The following NCDN variants were observed in gnomAD, a reference collection of about 807,000 sequenced individuals.
NCDN encodes norbin.
In NCDN, 9 loss-of-function variants were observed where a neutral mutation model predicts 60.7. The observed-to-expected ratio is 0.15, with a 90% CI of 0.09 to 0.26. The LOEUF (loss-of-function observed/expected upper bound fraction) is 0.26. Among genes scored for constraint, NCDN ranks in the 10% least tolerant of loss-of-function variants. NCDN has a pLI of 1.00. For synonymous variants in NCDN, 409 were observed against 442.5 expected, an observed-to-expected ratio of 0.92 and a Z score of 0.95; for missense variants, 578 against 975.2, an observed-to-expected ratio of 0.59 and a Z score of 5.42.
rs1024780987 is a variant in NCDN at position 35,561,566 on chromosome 1, C to G, written c.1143+272C>G. 6.6e-6 allele frequency among the ~76,000 whole-genome samples: 1 copy of G among 151,950 alleles called. No homozygotes were observed. Among genetic ancestry groups the G allele is most frequent in the Non-Finnish European group, 1.5e-5 (1 of 67,964 alleles). On this transcript the variant is annotated intron_variant, in intron 3 of 6. Transcript: ENST00000373243. The surrounding 1 kb of genome is among the most constrained non-coding windows in gnomAD (Gnocchi z 4.9). Reference sequence around the variant, plus strand: ...ACAACACAGTAACCTCCCACTCAAACGCTCCCCCCAATACACACACACTAC... The same window carrying G: ...ACAACACAGTAACCTCCCACTCAAAGGCTCCCCCCAATACACACACACTAC...
rs780306954 is a variant in NCDN at position 35,566,399 on chromosome 1, C to A, written c.*736C>A. 2.6e-5 allele frequency: 6 copies of A among 231,266 alleles called. No individual in the cohort carries two copies. The highest frequency in any genetic ancestry group is 4.4e-5 in the Non-Finnish European group (5 of 113,628). The allele number at this position is 231,266 out of a possible 1,614,324, so 14.3% of individuals were successfully genotyped here. On this transcript the variant is annotated 3_prime_UTR_variant, in exon 7 of 7. Coordinates refer to ENST00000373243, the MANE Select transcript of NCDN (RefSeq NM_014284.3). This position sits in a 1 kb window ranked among gnomAD's most constrained non-coding sequence, Gnocchi z 5.3. ...GGTTATTTATTTTGCCTGTCCTTATCCCTGCTTGGACACCTGAGCATCTGA... is the reference window on the plus strand; with the variant it reads ...GGTTATTTATTTTGCCTGTCCTTATACCTGCTTGGACACCTGAGCATCTGA...
Position 35,565,282 on chromosome 1 carries a change from A to G in NCDN, c.1809A>G (p.Leu603=), listed in dbSNP as rs1463386877. 7 of 1,613,762 alleles carry G rather than the reference A, an allele frequency of 4.3e-6. No homozygotes were observed. Among genetic ancestry groups the G allele is most frequent in the Non-Finnish European group, 5.9e-6 (7 of 1,179,842 alleles). The change falls in exon 7 of 7, where the codon CTA becomes CTG. Residue 603 remains leucine, a synonymous_variant. Transcript: ENST00000373243. This position sits in a 1 kb window ranked among gnomAD's most constrained non-coding sequence, Gnocchi z 8.9. ...TCTTCGCAGCTGCCATCCTCTTCCT[A>G]TCACAGTCCCACGTGGCGCGGGCCA... The part of the protein sequence containing the change: ...RGFFAAAILF[L]SQSHVARATP...
In NCDN at chr1:35,566,656, C is replaced by T; in HGVS notation, c.*993C>T. ...ACACACACACACACACACACACACACACACACACACACACACACACACACT... is the reference window on the plus strand; with the variant it reads ...ACACACACACACACACACACACACATACACACACACACACACACACACACT... On this transcript the variant is annotated 3_prime_UTR_variant, in exon 7 of 7. Transcript: ENST00000373243. The surrounding 1 kb of genome is among the most constrained non-coding windows in gnomAD (Gnocchi z 5.3). 2.5e-6 allele frequency: 1 copy of T among 407,720 alleles called. No individual in the cohort carries two copies. The highest frequency in any genetic ancestry group is 1.8e-5 in the South Asian group (1 of 54,978). 25.3% of individuals were successfully genotyped at this position (407,720 alleles called of 1,614,324 possible). A position where few individuals can be genotyped will look rare whatever the true frequency, so the allele number is the denominator to read the frequency against.
chr1:35,563,943 G>A lies in NCDN; in HGVS notation c.1753+34G>A. 1 of 1,590,252 alleles carries A rather than the reference G, an allele frequency of 6.3e-7. No homozygotes were observed. The highest frequency in any genetic ancestry group is 1.1e-5 in the South Asian group (1 of 87,624). ...TGGGGATCCAGTCCTGATGGGTGAG[G>A]ACAGAAGACCTGGGTGGACCTCCTG... On this transcript the variant is annotated intron_variant, in intron 6 of 6. Transcript: ENST00000373243. The surrounding 1 kb of genome is among the most constrained non-coding windows in gnomAD (Gnocchi z 6.6).
In NCDN at chr1:35,566,629, C is replaced by CCACACA. The variant is rs56974171; in HGVS notation, c.*1012_*1017dup. The CCACACA allele has an allele frequency of 0.017, 4,465 of 270,168 alleles. 35 individuals carry two copies. The highest frequency in any genetic ancestry group is 0.02 in the Non-Finnish European group (2,607 of 132,030). 16.7% of individuals were successfully genotyped at this position (270,168 alleles called of 1,614,324 possible). A position where few individuals can be genotyped will look rare whatever the true frequency, so the allele number is the denominator to read the frequency against. On this transcript the variant is annotated 3_prime_UTR_variant, in exon 7 of 7. Transcript: ENST00000373243. The surrounding 1 kb of genome is among the most constrained non-coding windows in gnomAD (Gnocchi z 5.3). ...TACCTTTCTTATAAACCCAGGGGGA[C>CCACACA]CACACACACACACACACACACACAC...
At position 35,558,306 on chromosome 1, in the gene NCDN, C is replaced by G; in HGVS notation, c.33+83C>G. 5 of 1,600,422 alleles carry G rather than the reference C, an allele frequency of 3.1e-6. No individual in the cohort carries two copies. Among genetic ancestry groups the G allele is most frequent in the Non-Finnish European group, 4.3e-6 (5 of 1,171,096 alleles). On this transcript the variant is annotated intron_variant, in intron 1 of 6. Transcript: ENST00000373243. The surrounding 1 kb of genome is among the most constrained non-coding windows in gnomAD (Gnocchi z 6.3). ...TTCGATTATCCGGCTTTTGGATTCT[C>G]CGTTGTCCTGGGAACTATCCGGGAC...
chr1:35,565,906 C>G lies in NCDN; in HGVS notation c.*243C>G. 1 of 519,896 alleles carries G rather than the reference C, an allele frequency of 1.9e-6. No individual in the cohort carries two copies. Among genetic ancestry groups the G allele is most frequent in the Non-Finnish European group, 3.4e-6 (1 of 292,360 alleles). The allele number at this position is 519,896 out of a possible 1,614,324, so 32.2% of individuals were successfully genotyped here. A position where few individuals can be genotyped will look rare whatever the true frequency, so the allele number is the denominator to read the frequency against. ...TTGGAAATCAACGTGGTTGTCCCCG[C>G]CAGGCCGGGGAAGGTTGGAGCAGCC... On this transcript the variant is annotated 3_prime_UTR_variant, in exon 7 of 7. Coordinates refer to ENST00000373243, the MANE Select transcript of NCDN (RefSeq NM_014284.3). The surrounding 1 kb of genome is among the most constrained non-coding windows in gnomAD (Gnocchi z 8.9).
chr1:35,560,481 G>T lies in NCDN; in HGVS notation c.330G>T (p.Leu110=). ...DHVLRALGVA[L]LACFCSDPEL... is the part of the protein sequence containing the mutation. ...TTCTGCGGGCTTTGGGTGTGGCCCT[G>T]CTGGCCTGCTTCTGCAGTGACCCTG... The change falls in exon 3 of 7, where the codon CTG becomes CTT. Residue 110 remains leucine, a synonymous_variant. Transcript: ENST00000373243. This position sits in a 1 kb window ranked among gnomAD's most constrained non-coding sequence, Gnocchi z 7.6. 1.2e-6 allele frequency: 2 copies of T among 1,613,960 alleles called. No individual in the cohort carries two copies.
rs752785686 is a variant in NCDN, at chr1:35,565,693, C to G, written c.*30C>G. On this transcript the variant is annotated 3_prime_UTR_variant, in exon 7 of 7. Coordinates refer to ENST00000373243, the MANE Select transcript of NCDN (RefSeq NM_014284.3). This position sits in a 1 kb window ranked among gnomAD's most constrained non-coding sequence, Gnocchi z 8.9. ...TGTCCACCGGGGACAGACCCAGGGG[C>G]GGGCAGAGAGGGAAGGAGGGAGGAG... The G allele has an allele frequency of 6.6e-7, 1 of 1,517,222 alleles. No individual in the cohort carries two copies. Among genetic ancestry groups the G allele is most frequent in the Non-Finnish European group, 8.8e-7 (1 of 1,134,914 alleles). The allele number at this position is 1,517,222 out of a possible 1,614,324, so 94.0% of individuals were successfully genotyped here.
rs778101207 is a variant in NCDN, at chr1:35,561,331, G to T, written c.1143+37G>T. The stretch of plus-strand genomic sequence containing the variant: ...GTGACCCACAGAGGGGGCCCAGTAT[G>T]GGGGGAGCCAGTGCTGGAGCTGGGA... On this transcript the variant is annotated intron_variant, in intron 3 of 6. Transcript: ENST00000373243. This position sits in a 1 kb window ranked among gnomAD's most constrained non-coding sequence, Gnocchi z 4.9. 29 of 1,536,912 alleles carry T rather than the reference G, an allele frequency of 1.9e-5. No homozygotes were observed. The highest frequency in any genetic ancestry group is 5.7e-5 in the Admixed American group (3 of 52,374).
Position 35,562,685 on chromosome 1 carries a change from T to G in NCDN, c.1385+52T>G, listed in dbSNP as rs1571085628. Reference sequence around the variant, plus strand: ...GCTAGATCATTCTACCGAAAAGCGTTAACACAAGGACACCCCTCCCCACAA... The same window carrying G: ...GCTAGATCATTCTACCGAAAAGCGTGAACACAAGGACACCCCTCCCCACAA... On this transcript the variant is annotated intron_variant, in intron 4 of 6. Coordinates refer to ENST00000373243, the MANE Select transcript of NCDN (RefSeq NM_014284.3). This position sits in a 1 kb window ranked among gnomAD's most constrained non-coding sequence, Gnocchi z 6.8. 2 of 1,561,522 alleles carry G rather than the reference T, an allele frequency of 1.3e-6. No homozygotes were observed. The highest frequency in any genetic ancestry group is 4.6e-5 in the East Asian group (2 of 43,694).
In NCDN at chr1:35,560,583, C is replaced by T. The variant is rs755495321; in HGVS notation, c.432C>T (p.Asp144=). The stretch of plus-strand genomic sequence containing the variant: ...TCCTCACAGCCCGGGGGGACCCGGA[C>T]GATGCTGCCCGCCGCTCCATGATTG... ...STFLTARGDP[D]DAARRSMIDD... Residue 144 remains aspartate, a synonymous_variant, in exon 3 of 7, where the codon GAC becomes GAT. Transcript: ENST00000373243. This position sits in a 1 kb window ranked among gnomAD's most constrained non-coding sequence, Gnocchi z 7.6. The T allele has an allele frequency of 6.2e-6, 10 of 1,613,374 alleles. No homozygotes were observed. The highest frequency in any genetic ancestry group is 1.6e-4 in the Middle Eastern group (1 of 6,062).
chr1:35,558,992 C>G lies in NCDN; in HGVS notation c.34-115C>G. Reference sequence around the variant, plus strand: ...CCTGAGGAGTCCACCCCTCCAGATTCTCTCCTCCCCTCCCTCTGTGCTAAT... The same window carrying G: ...CCTGAGGAGTCCACCCCTCCAGATTGTCTCCTCCCCTCCCTCTGTGCTAAT... On this transcript the variant is annotated intron_variant, in intron 1 of 6. Transcript: ENST00000373243. This position sits in a 1 kb window ranked among gnomAD's most constrained non-coding sequence, Gnocchi z 6.3. 2.6e-5 allele frequency: 27 copies of G among 1,042,940 alleles called. No individual in the cohort carries two copies. In the South Asian group the frequency reaches 3.9e-4, roughly 15 times the overall value. The allele number at this position is 1,042,940 out of a possible 1,614,324, so 64.6% of individuals were successfully genotyped here.
In NCDN at chr1:35,562,326, T is replaced by C; in HGVS notation, c.1144-66T>C. On this transcript the variant is annotated intron_variant, in intron 3 of 6. Coordinates refer to ENST00000373243, the MANE Select transcript of NCDN (RefSeq NM_014284.3). This position sits in a 1 kb window ranked among gnomAD's most constrained non-coding sequence, Gnocchi z 6.8. ...TCTAGTTGTATTATTTCTAGCTGGC[T>C]GGCCTCTGGCAAGGCAGGGAGGGTC... 3 of 1,575,200 alleles carry C rather than the reference T, an allele frequency of 1.9e-6. No homozygotes were observed. Among genetic ancestry groups the C allele is most frequent in the Non-Finnish European group, 2.6e-6 (3 of 1,159,146 alleles).
In NCDN at chr1:35,565,518, A is replaced by C. The variant is rs1048354845; in HGVS notation, c.2045A>C (p.Glu682Ala). 6.3e-7 allele frequency: 1 copy of C among 1,576,806 alleles called. No homozygotes were observed. Among genetic ancestry groups the C allele is most frequent in the Non-Finnish European group, 8.6e-7 (1 of 1,161,732 alleles). Residue 682 changes from glutamate to alanine, a missense_variant, in exon 7 of 7, where the codon GAG becomes GCG. Physicochemically the swap from Glu to Ala is moderately radical, Grantham distance 107. Transcript: ENST00000373243. This position sits in a 1 kb window ranked among gnomAD's most constrained non-coding sequence, Gnocchi z 8.9. ...GSVSPNSVKP[E>A]MVAAYQGVLV... ...GTCAGCCCCAACTCTGTCAAGCCCG[A>C]GATGGTGGCCGCCTATCAGGGTGTC...
In NCDN at chr1:35,562,336, C is replaced by T. The variant is rs1446737066; in HGVS notation, c.1144-56C>T. 1 of 1,582,046 alleles carries T rather than the reference C, an allele frequency of 6.3e-7. No individual in the cohort carries two copies. Among genetic ancestry groups the T allele is most frequent in the Non-Finnish European group, 8.6e-7 (1 of 1,162,758 alleles). Reference sequence around the variant, plus strand: ...TTATTTCTAGCTGGCTGGCCTCTGGCAAGGCAGGGAGGGTCCCTGGTCCTG... The same window carrying T: ...TTATTTCTAGCTGGCTGGCCTCTGGTAAGGCAGGGAGGGTCCCTGGTCCTG... On this transcript the variant is annotated intron_variant, in intron 3 of 6. Transcript: ENST00000373243. This position sits in a 1 kb window ranked among gnomAD's most constrained non-coding sequence, Gnocchi z 6.8.
At position 35,561,269 on chromosome 1, in the gene NCDN, G is replaced by A. The variant is rs755247482; in HGVS notation, c.1118G>A (p.Gly373Glu). The A allele has an allele frequency of 3.0e-5, 48 of 1,601,976 alleles. No individual in the cohort carries two copies. The African/African-American group carries it at 5.1e-4, about 17-fold the overall frequency. ...QLVSVMKEAIGAVIHYLLQVG... is the reference protein window; with the variant it reads ...QLVSVMKEAIEAVIHYLLQVG... ...GTGAGCGTCATGAAGGAGGCCATAG[G>A]GGCTGTTATCCACTACCTGCTGCAG... The change falls in exon 3 of 7, where the codon GGG becomes GAG. Residue 373 changes from glycine to glutamate, a missense_variant. Gly to Glu is a moderately conservative substitution (Grantham distance 98). Coordinates refer to ENST00000373243, the MANE Select transcript of NCDN (RefSeq NM_014284.3). This position sits in a 1 kb window ranked among gnomAD's most constrained non-coding sequence, Gnocchi z 4.9.
rs898005114 is a variant in NCDN at position 35,565,966 on chromosome 1, G to A, written c.*303G>A. The A allele has an allele frequency of 2.7e-5, 10 of 369,660 alleles. No individual in the cohort carries two copies. The highest frequency in any genetic ancestry group is 1.4e-4 in the Admixed American group (3 of 22,052). The allele number at this position is 369,660 out of a possible 1,614,324, so 22.9% of individuals were successfully genotyped here. A position where few individuals can be genotyped will look rare whatever the true frequency, so the allele number is the denominator to read the frequency against. ...GGGGGCACTAGGTGTCATTGTGCCCGATGTCTGGCTCCCCTGCAGGAGGGA... is the reference window on the plus strand; with the variant it reads ...GGGGGCACTAGGTGTCATTGTGCCCAATGTCTGGCTCCCCTGCAGGAGGGA... On this transcript the variant is annotated 3_prime_UTR_variant, in exon 7 of 7. Transcript: ENST00000373243. The surrounding 1 kb of genome is among the most constrained non-coding windows in gnomAD (Gnocchi z 8.9).
Position 35,561,975 on chromosome 1 carries a change from A to G in NCDN, c.1144-417A>G, listed in dbSNP as rs1215237225. 6.6e-6 allele frequency among the ~76,000 whole-genome samples: 1 copy of G among 152,156 alleles called. No homozygotes were observed. Among genetic ancestry groups the G allele is most frequent in the East Asian group, 1.9e-4 (1 of 5,190 alleles). The stretch of plus-strand genomic sequence containing the variant: ...CACTCCCACCATTGGGAGCAGTTAC[A>G]CAGTAGCCAGGAACCTGCCCTCCCA... On this transcript the variant is annotated intron_variant, in intron 3 of 6. Coordinates refer to ENST00000373243, the MANE Select transcript of NCDN (RefSeq NM_014284.3). This position sits in a 1 kb window ranked among gnomAD's most constrained non-coding sequence, Gnocchi z 4.9.
Sources: gnomAD v4.1 joint callset for allele counts (sites outside exome capture counted in the v4.1 genomes callset) on GRCh38, gnomAD v4.1.1 for gene constraint, Gnocchi (gnomAD v3.1) non-coding constraint, MANE v1.5 for transcripts, NCBI Gene and HGNC (gene_info 2026-07-23, HGNC 2026-07-21) for gene names.